The following GTF3C1 variants were observed in gnomAD, a reference collection of about 807,000 sequenced individuals.
GTF3C1 encodes the protein general transcription factor 3C polypeptide 1.
In GTF3C1, 57 loss-of-function variants were observed where a neutral mutation model predicts 226.7. The observed-to-expected ratio is 0.25, with a 90% confidence interval of 0.20 to 0.31. GTF3C1 has a LOEUF of 0.31. Ranked by LOEUF, GTF3C1 falls within the 10% of genes least tolerant of loss-of-function variation. The pLI, the probability that GTF3C1 is intolerant of heterozygous loss-of-function variation, is 1.00. For missense variants in GTF3C1, 2,217 were observed against 2,776.1 expected (o/e 0.80, Z 4.53); for synonymous variants, 1,090 against 1,084.8 (o/e 1.00, Z -0.09).
rs201832975 is a variant in GTF3C1, at chr16:27,463,625, G to C, written c.5873-33C>G. ...AAGAGGAAGAGAATGTGAGAGACTC[G>C]GAAAGTCAGGGAAGCCATCTCTGCC... is the stretch of plus-strand genomic sequence containing the variant. On this transcript the variant is annotated intron_variant, in intron 34 of 36. Coordinates refer to ENST00000356183, the MANE Select transcript of GTF3C1 (RefSeq NM_001520.4). This position sits in a 1 kb window ranked among gnomAD's most constrained non-coding sequence, Gnocchi z 4.9. 4.6e-6 allele frequency: 6 copies of C among 1,312,958 alleles called. No individual in the cohort carries two copies. The highest frequency in any genetic ancestry group is 3.5e-5 in the South Asian group (3 of 85,314). The allele number at this position is 1,312,958 out of a possible 1,614,324, so 81.3% of individuals were successfully genotyped here.
At chr16:27,511,053 A>G (rs987462106) in intron 7 of GTF3C1, among the ~76,000 whole-genome samples, 5 of 152,178 alleles carry the variant, frequency 3.3e-5, no homozygotes, top group South Asian at 4.1e-4. Flanking sequence ...TTAGGTGTCA[A>G]TGGGACTGGA....
At chr16:27,510,437 A>T (rs886617293) in intron 7 of GTF3C1, among the ~76,000 whole-genome samples, 4 of 151,680 alleles carry the variant, frequency 2.6e-5, no homozygotes, top group African/African-American at 9.7e-5. Flanking sequence ...CATGCCTGTG[A>T]TCCCAGCTAC....
intron 7 of GTF3C1, 144 bp from the exon 8 acceptor site, chr16:27,508,799 T>C: frequency 1.6e-6 from 1 of 637,086 alleles, no homozygotes. Flanking sequence ...CTCTCCCTTA[T>C]CCTCCCAAGC....
In GTF3C1 at chr16:27,507,493, C is replaced by T. The variant is rs1442718461; in HGVS notation, c.1243-337G>A. On this transcript the variant is annotated intron_variant, in intron 8 of 36. Coordinates refer to ENST00000356183, the MANE Select transcript of GTF3C1 (RefSeq NM_001520.4). This position sits in a 1 kb window ranked among gnomAD's most constrained non-coding sequence, Gnocchi z 4.9. ...CGTGGCCCACACAAAATGGACAGTA[C>T]GCAGCAAGCATTTGTGATGCAGACT... Among the ~76,000 whole-genome samples the T allele has an allele frequency of 2.0e-5, 3 of 152,174 alleles. No homozygotes were observed. Among genetic ancestry groups the T allele is most frequent in the Non-Finnish European group, 4.4e-5 (3 of 68,034 alleles).
chr16:27,477,309 TC>T (rs1173325353), intron 28 of GTF3C1, among the ~76,000 whole-genome samples: 2 of 151,384 alleles, frequency 1.3e-5, no homozygotes, highest in Non-Finnish European at 2.9e-5. Context: ...GATTTTCTCT[TC>T]CTTTTTTTTT....
chr16:27,523,960 G>A (rs947181436), intron 6 of GTF3C1, among the ~76,000 whole-genome samples: 1 of 152,182 alleles, frequency 6.6e-6, no homozygotes, highest in Non-Finnish European at 1.5e-5. Flanking sequence ...TCCAGCACAA[G>A]GAGCCAAAAC....
intron 8 of GTF3C1, 137 bp downstream of exon 8, chr16:27,508,403 C>T: frequency 3.1e-6 from 2 of 645,570 alleles, no homozygotes; most frequent in South Asian, 3.8e-5. Context: ...ATGGACTGCA[C>T]TCAGCCCTGG....
Position 27,471,881 on chromosome 16 carries a change from C to A in GTF3C1, c.4393G>T (p.Val1465Leu), listed in dbSNP as rs1429624703. The stretch of plus-strand genomic sequence containing the variant: ...TTCTGGCACTCCATGAAGGCCTTCA[C>A]AAGAACGTGGTCCTTGTACTCCCGA... The part of the protein sequence containing the change: ...LYREYKDHVL[V>L]KAFMECQKRS... Residue 1465 changes from valine to leucine, a missense_variant, in exon 30 of 37, where the codon GTG (valine) becomes TTG (leucine). By Grantham distance (32) the Val-to-Leu change is conservative. Coordinates refer to ENST00000356183, the MANE Select transcript of GTF3C1 (RefSeq NM_001520.4). The surrounding 1 kb of genome is among the most constrained non-coding windows in gnomAD (Gnocchi z 5.0). The A allele has an allele frequency of 1.2e-6, 2 of 1,614,154 alleles. No individual in the cohort carries two copies. Among genetic ancestry groups the A allele is most frequent in the East Asian group, 2.2e-5 (1 of 44,874 alleles).
In GTF3C1 at chr16:27,463,273, A is replaced by G; in HGVS notation, c.5924+268T>C. ...GAGGAGCCAGTGAAGCACAGCTGACAGCACCAGGCATGGTTCTCCACCAGC... is the reference window on the plus strand; with the variant it reads ...GAGGAGCCAGTGAAGCACAGCTGACGGCACCAGGCATGGTTCTCCACCAGC... On this transcript the variant is annotated intron_variant, in intron 35 of 36. Coordinates refer to ENST00000356183, the MANE Select transcript of GTF3C1 (RefSeq NM_001520.4). This position sits in a 1 kb window ranked among gnomAD's most constrained non-coding sequence, Gnocchi z 4.9. 2.0e-6 allele frequency: 1 copy of G among 501,152 alleles called. No individual in the cohort carries two copies. The highest frequency in any genetic ancestry group is 3.5e-6 in the Non-Finnish European group (1 of 284,544). The allele number at this position is 501,152 out of a possible 1,614,324, so 31.0% of individuals were successfully genotyped here.
chr16:27,526,570 G>A (rs890988065), intron 6 of GTF3C1, among the ~76,000 whole-genome samples: 3 of 152,332 alleles, frequency 2.0e-5, no homozygotes, highest in Non-Finnish European at 4.4e-5. Flanking sequence ...GTATCCCCAA[G>A]TTTTAGTTGA....
intron 2 of GTF3C1, among the ~76,000 whole-genome samples, chr16:27,543,115 G>A (rs925796606): frequency 1.3e-5 from 2 of 152,222 alleles, no homozygotes; most frequent in African/African-American, 4.8e-5. Flanking sequence ...ACCAGGCATG[G>A]TGGCTCACGC....
intron 21 of GTF3C1, 64 bp downstream of exon 21, chr16:27,488,979 G>C (rs2088188098): frequency 2.7e-6 from 4 of 1,464,246 alleles, no homozygotes; most frequent in Non-Finnish European, 3.8e-6. Context: ...GGTCAGGCAG[G>C]GAGGGACAGG....
In GTF3C1 at chr16:27,504,925, T is replaced by C. The variant is rs534849828; in HGVS notation, c.1770+974A>G. ...CATCCTGGGCACCACAGCAAGACTC[T>C]TTCTCAAAAAAATTAATTAATTAAA... is the stretch of plus-strand genomic sequence containing the variant. On this transcript the variant is annotated intron_variant, in intron 10 of 36. Transcript: ENST00000356183. 2.6e-5 allele frequency among the ~76,000 whole-genome samples: 4 copies of C among 152,196 alleles called. No homozygotes were observed. The East Asian group carries it at 5.8e-4, about 22-fold the overall frequency.
chr16:27,481,029 T>C, intron 27 of GTF3C1, 50 bp downstream of exon 27: 1 of 1,486,326 alleles, frequency 6.7e-7, no homozygotes, highest in Non-Finnish European at 9.4e-7. Context: ...GGCTGGCCTT[T>C]TCTTCTTGCC....
rs200545297 is a variant in GTF3C1 at position 27,464,368 on chromosome 16, G to T, written c.5824C>A (p.Gln1942Lys). ...VGEFSSPGQEQLSGQAQPPEG... is the reference protein window; with the variant it reads ...VGEFSSPGQEKLSGQAQPPEG... Reference sequence around the variant, plus strand: ...GGAGGCTGCGCCTGGCCGCTCAGCTGCTCTTGGCCTGGGGAACTGAACTCA... The same window carrying T: ...GGAGGCTGCGCCTGGCCGCTCAGCTTCTCTTGGCCTGGGGAACTGAACTCA... The change falls in exon 34 of 37, where the codon CAG becomes AAG. Residue 1942 changes from glutamine (Q) to lysine (K), a missense_variant. By Grantham distance (53) the Gln-to-Lys change is moderately conservative. Coordinates refer to ENST00000356183, the MANE Select transcript of GTF3C1 (RefSeq NM_001520.4). 6.4e-7 allele frequency: 1 copy of T among 1,568,092 alleles called. No individual in the cohort carries two copies. The highest frequency in any genetic ancestry group is 8.6e-7 in the Non-Finnish European group (1 of 1,160,336).
At position 27,498,001 on chromosome 16, in the gene GTF3C1, G is replaced by C. The variant is rs552528502; in HGVS notation, c.2166-180C>G. Among the ~76,000 whole-genome samples the C allele has an allele frequency of 3.9e-5, 6 of 152,314 alleles. No individual in the cohort carries two copies. In the South Asian group the frequency reaches 6.2e-4, roughly 16 times the overall value. ...TCAGGTCACTGAAACTTTTGGGGGT[G>C]GTGGGGATTGTGGGGCCCTGAAGAG... On this transcript the variant is annotated intron_variant, in intron 13 of 36. Coordinates refer to ENST00000356183, the MANE Select transcript of GTF3C1 (RefSeq NM_001520.4).
At chr16:27,532,217 A>G (rs2088926929) in intron 5 of GTF3C1, among the ~76,000 whole-genome samples, 1 of 152,176 alleles carries the variant, frequency 6.6e-6, no homozygotes, top group African/African-American at 2.4e-5. Context: ...AAGCCTCCAG[A>G]CTGTAACCAC....
intron 9 of GTF3C1, among the ~76,000 whole-genome samples, chr16:27,506,340 G>A (rs2088484679): frequency 6.6e-6 from 1 of 152,134 alleles, no homozygotes; most frequent in Non-Finnish European, 1.5e-5. Context: ...GTAATTCTCT[G>A]CTGTCAGGGG....
chr16:27,467,778 G>A (rs2087806445), intron 32 of GTF3C1, among the ~76,000 whole-genome samples: 1 of 152,146 alleles, frequency 6.6e-6, no homozygotes, highest in South Asian at 2.1e-4. Context: ...GCTGAGCTAG[G>A]AGAATCACTT....
Sources: allele counts gnomAD v4.1 joint callset (sites outside exome capture counted in the v4.1 genomes callset), GRCh38; gene constraint gnomAD v4.1.1; non-coding constraint Gnocchi (gnomAD v3.1); transcripts MANE v1.5; gene names NCBI Gene and HGNC (gene_info 2026-07-23, HGNC 2026-07-21).